The following SCAPER variants were observed in gnomAD, a reference collection of about 807,000 sequenced individuals.
SCAPER encodes S phase cyclin A-associated protein in the endoplasmic reticulum.
In SCAPER, 98 loss-of-function variants were observed where a neutral mutation model predicts 182.2. The ratio of observed to expected loss-of-function variants is 0.54; its 90% confidence interval spans 0.46 to 0.64. The LOEUF is 0.64. SCAPER is among the 30% of genes least tolerant of loss of function. SCAPER has a pLI of 0.00. For synonymous variants in SCAPER, 605 were observed against 564.6 expected (o/e 1.07, Z -1.01); for missense variants, 1,432 against 1,690.0 (o/e 0.85, Z 2.68).
chr15:76,351,913 AT>A (rs1054506538), intron 30 of SCAPER, among the ~76,000 whole-genome samples: 2 of 152,074 alleles, frequency 1.3e-5, no homozygotes, highest in African/African-American at 4.8e-5. Flanking sequence ...AATATAAGAA[AT>A]TTTTTTTAGC....
chr15:76,652,275 T>A (rs56114439), intron 21 of SCAPER, among the ~76,000 whole-genome samples: 1,617 of 7,518 alleles, frequency 0.22, 190 homozygotes, highest in East Asian at 0.28. Flanking sequence ...AAAAAAAAAA[T>A]ATATATATAT....
intron 2 of SCAPER, among the ~76,000 whole-genome samples, chr15:76,874,950 A>C (rs1434848831): frequency 6.6e-6 from 1 of 152,210 alleles, no homozygotes; most frequent in Non-Finnish European, 1.5e-5. Context: ...TGGGTGTGAC[A>C]GAGTGAGACT....
chr15:76,358,313 G>C (rs2041148902), intron 29 of SCAPER, among the ~76,000 whole-genome samples: 1 of 152,260 alleles, frequency 6.6e-6, no homozygotes, highest in Non-Finnish European at 1.5e-5. Context: ...CTTCAAAGCA[G>C]AGGCTAGTGG....
intron 23 of SCAPER, among the ~76,000 whole-genome samples, chr15:76,521,425 G>A (rs1014689780): frequency 5.9e-5 from 9 of 151,828 alleles, no homozygotes; most frequent in Non-Finnish European, 1.0e-4. Context: ...GCTCACGACT[G>A]TAATCCCAGC....
At chr15:76,365,923 G>A (rs1281057979) in intron 29 of SCAPER, among the ~76,000 whole-genome samples, 5 of 152,112 alleles carry the variant, frequency 3.3e-5, no homozygotes, top group Non-Finnish European at 7.4e-5. Flanking sequence ...GCATAGGTAC[G>A]ACATTTAAAC....
chr15:76,374,488 C>CT (rs779428116), intron 29 of SCAPER, among the ~76,000 whole-genome samples: 15,581 of 135,546 alleles, frequency 0.11, 1,015 homozygotes, highest in African/African-American at 0.2. Context: ...GAGTAGGGGG[C>CT]TTTTTTTTTT....
intron 17 of SCAPER, among the ~76,000 whole-genome samples, chr15:76,721,963 G>C (rs1011890293): frequency 6.6e-6 from 1 of 152,120 alleles, no homozygotes; most frequent in Admixed American, 6.5e-5. Context: ...CCAACACTAT[G>C]TTGAATAGGA....
At chr15:76,433,005 A>G (rs547821702) in intron 26 of SCAPER, among the ~76,000 whole-genome samples, 3 of 152,356 alleles carry the variant, frequency 2.0e-5, no homozygotes, top group East Asian at 3.9e-4. Flanking sequence ...GTATAACCCT[A>G]TAAGGTTAAC....
intron 27 of SCAPER, among the ~76,000 whole-genome samples, chr15:76,403,607 T>G (rs1175945326): frequency 6.6e-6 from 1 of 152,222 alleles, no homozygotes; most frequent in Non-Finnish European, 1.5e-5. Context: ...TATAGATGGA[T>G]AATATTTCCT....
intron 17 of SCAPER, among the ~76,000 whole-genome samples, chr15:76,720,472 T>C (rs1465331154): frequency 6.6e-6 from 1 of 152,210 alleles, no homozygotes; most frequent in Non-Finnish European, 1.5e-5. Flanking sequence ...TCAAATGGTA[T>C]TTCTAGTTCT....
Position 76,451,047 on chromosome 15 carries a change from C to T in SCAPER, c.3079-16737G>A, listed in dbSNP as rs1410825607. Among the ~76,000 whole-genome samples the T allele has an allele frequency of 3.3e-5, 5 of 152,210 alleles. No individual in the cohort carries two copies. In the East Asian group the frequency reaches 7.7e-4, roughly 23 times the overall value. On this transcript the variant is annotated intron_variant, in intron 25 of 31. Coordinates refer to ENST00000563290, the MANE Select transcript of SCAPER (RefSeq NM_020843.4). ...TCCCTTTTGCCCCTGTGGGCATAGGCAATCACTGATCTGCTTTGTATTATA... is the reference window on the plus strand; with the variant it reads ...TCCCTTTTGCCCCTGTGGGCATAGGTAATCACTGATCTGCTTTGTATTATA...
chr15:76,716,713 G>C (rs1374715633), intron 17 of SCAPER, among the ~76,000 whole-genome samples: 4 of 151,470 alleles, frequency 2.6e-5, no homozygotes, highest in Non-Finnish European at 5.9e-5. Flanking sequence ...GCAGAAGAAA[G>C]AACCTTGAAG....
At chr15:76,566,987 C>G (rs2047081586) in intron 23 of SCAPER, among the ~76,000 whole-genome samples, 1 of 152,042 alleles carries the variant, frequency 6.6e-6, no homozygotes. Flanking sequence ...ATGACTCTTT[C>G]TGATCACACA....
At chr15:76,476,623 T>TTG (rs1555449283) in intron 24 of SCAPER, among the ~76,000 whole-genome samples, 1 of 137,104 alleles carries the variant, frequency 7.3e-6, no homozygotes, top group African/African-American at 2.9e-5. Flanking sequence ...TTTTTTTTTT[T>TTG]GTAGAGACAG....
Position 76,495,525 on chromosome 15 carries a change from C to T in SCAPER, c.2954+9334G>A, listed in dbSNP as rs113633378. 4.3e-3 allele frequency among the ~76,000 whole-genome samples: 640 copies of T among 147,128 alleles called. 7 individuals are homozygous for T. Among genetic ancestry groups the T allele is most frequent in the African/African-American group, 0.015 (610 of 39,558 alleles). On this transcript the variant is annotated intron_variant, in intron 24 of 31. Coordinates refer to ENST00000563290, the MANE Select transcript of SCAPER (RefSeq NM_020843.4). ...CCCAGGAGGCGGAGGTTGCAGTGAGCCGAGATTGTGCCACTGCTCTCCAGC... is the reference window on the plus strand; with the variant it reads ...CCCAGGAGGCGGAGGTTGCAGTGAGTCGAGATTGTGCCACTGCTCTCCAGC...
At chr15:76,467,828 A>G (rs113017672) in intron 25 of SCAPER, among the ~76,000 whole-genome samples, 2 of 152,248 alleles carry the variant, frequency 1.3e-5, no homozygotes, top group African/African-American at 4.8e-5. Context: ...CATCTGGACA[A>G]TGCTTTGGAA....
chr15:76,477,246 C>T (rs1459241226), intron 24 of SCAPER, among the ~76,000 whole-genome samples: 1 of 152,180 alleles, frequency 6.6e-6, no homozygotes, highest in Non-Finnish European at 1.5e-5. Context: ...TCATTGCCTT[C>T]AGAGTGAAAG....
At chr15:76,652,702 T>G (rs1204693261) in intron 21 of SCAPER, among the ~76,000 whole-genome samples, 1 of 147,884 alleles carries the variant, frequency 6.8e-6, no homozygotes, top group African/African-American at 2.5e-5. Context: ...CAGAGGGAGA[T>G]TCTGTCTCAA....
At chr15:76,563,583 C>G (rs1034951145) in intron 23 of SCAPER, among the ~76,000 whole-genome samples, 1 of 152,160 alleles carries the variant, frequency 6.6e-6, no homozygotes, top group Non-Finnish European at 1.5e-5. Context: ...TGAAGTCTAT[C>G]AGGTATACAA....
Sources: allele counts gnomAD v4.1 joint callset (sites outside exome capture counted in the v4.1 genomes callset), GRCh38; gene constraint gnomAD v4.1.1; transcripts MANE v1.5; gene names NCBI Gene and HGNC (gene_info 2026-07-23, HGNC 2026-07-21).